The following BCKDHB variants were observed in gnomAD, a reference collection of about 807,000 sequenced individuals.
BCKDHB encodes the protein branched chain keto acid dehydrogenase E1 subunit beta.
Under a neutral mutation model 48.5 loss-of-function variants are expected in BCKDHB, and 41 were observed. The ratio of observed to expected loss-of-function variants is 0.85; its 90% CI spans 0.66 to 1.10. The LOEUF is 1.10. BCKDHB is among the 50% of genes least tolerant of loss of function. The pLI, the probability that BCKDHB is intolerant of heterozygous loss-of-function variation, is 0.00. For synonymous variants in BCKDHB, 201 were observed against 174.8 expected, an observed-to-expected ratio of 1.15 and a Z score of -1.18; for missense variants, 496 against 494.2, an observed-to-expected ratio of 1.00 and a Z score of -0.03.
intron 3 of BCKDHB, among the ~76,000 whole-genome samples, chr6:80,152,026 TG>T (rs1203810711): frequency 1.3e-5 from 2 of 152,192 alleles, no homozygotes; most frequent in African/African-American, 4.8e-5. Context: ...AAAATTTCAA[TG>T]GCTTGCCCTT....
chr6:80,145,416 A>G (rs966441063), intron 3 of BCKDHB, among the ~76,000 whole-genome samples: 7 of 152,174 alleles, frequency 4.6e-5, no homozygotes, highest in Non-Finnish European at 1.0e-4. Flanking sequence ...ACTTTCCCCC[A>G]AACCACCTCA....
chr6:80,114,540 C>T lies in BCKDHB; in HGVS notation c.196+7651C>T, dbSNP rs148627441. Reference sequence around the variant, plus strand: ...CTGGGATAAAAGGCATGAGCCACCACGCCTGGCTAGTGATGCTAGATTTAA... The same window carrying T: ...CTGGGATAAAAGGCATGAGCCACCATGCCTGGCTAGTGATGCTAGATTTAA... On this transcript the variant is annotated intron_variant, in intron 1 of 9. Transcript: ENST00000320393. Among the ~76,000 whole-genome samples, 702 of 152,022 alleles carry T rather than the reference C, an allele frequency of 4.6e-3. 2 individuals carry two copies. Among genetic ancestry groups the T allele is most frequent in the African/African-American group, 0.016 (651 of 41,458 alleles).
chr6:80,148,197 A>G (rs561640268), intron 3 of BCKDHB, among the ~76,000 whole-genome samples: 1 of 152,310 alleles, frequency 6.6e-6, no homozygotes, highest in East Asian at 1.9e-4. Flanking sequence ...GATACTGACC[A>G]AACTAATGCT....
At chr6:80,371,724 A>G in the BCKDHB span, among the ~76,000 whole-genome samples, 1 of 152,116 alleles carries the variant, frequency 6.6e-6, no homozygotes, top group Non-Finnish European at 1.5e-5. Context: ...TCCCAGCACC[A>G]ATTGTTAAAC....
intron 9 of BCKDHB, 150 bp from the exon 10 acceptor site, chr6:80,343,514 C>T (rs1434577574): frequency 2.3e-6 from 2 of 854,412 alleles, no homozygotes; most frequent in Non-Finnish European, 3.6e-6. Context: ...ATGCTGTTAC[C>T]TGCTTTTTTC....
chr6:80,442,608 G>A, the BCKDHB span, among the ~76,000 whole-genome samples: 1 of 152,128 alleles, frequency 6.6e-6, no homozygotes, highest in Non-Finnish European at 1.5e-5. Context: ...AATGATTACA[G>A]AGGGGCATTT....
the BCKDHB span, among the ~76,000 whole-genome samples, chr6:80,439,914 C>A: frequency 6.6e-6 from 1 of 150,866 alleles, no homozygotes; most frequent in Non-Finnish European, 1.5e-5. Context: ...TTATTGTTTT[C>A]TGGAAGATGA....
chr6:80,372,538 G>A, the BCKDHB span, among the ~76,000 whole-genome samples: 4 of 152,020 alleles, frequency 2.6e-5, no homozygotes, highest in African/African-American at 7.2e-5. Context: ...GTTCTCAGGG[G>A]GAATGCTTTC....
Position 80,321,620 on chromosome 6 carries a change from C to T in BCKDHB, c.1039-22044C>T, listed in dbSNP as rs919849973. Reference sequence around the variant, plus strand: ...CCATAACTTATTTTTCGTGAATCCACTGAAACTTCCAGAGACTTGAACTTT... The same window carrying T: ...CCATAACTTATTTTTCGTGAATCCATTGAAACTTCCAGAGACTTGAACTTT... On this transcript the variant is annotated intron_variant, in intron 9 of 9. Transcript: ENST00000320393. Among the ~76,000 whole-genome samples, 11 of 152,226 alleles carry T rather than the reference C, an allele frequency of 7.2e-5. No homozygotes were observed. In the East Asian group the frequency reaches 1.7e-3, roughly 24 times the overall value.
At chr6:80,241,016 A>G (rs1265135769) in intron 8 of BCKDHB, among the ~76,000 whole-genome samples, 3 of 151,996 alleles carry the variant, frequency 2.0e-5, no homozygotes, top group Non-Finnish European at 4.4e-5. Flanking sequence ...TCAATCACTG[A>G]TACCCTTCTT....
At chr6:80,141,345 C>A (rs539486323) in intron 3 of BCKDHB, among the ~76,000 whole-genome samples, 1 of 152,006 alleles carries the variant, frequency 6.6e-6, no homozygotes, top group African/African-American at 2.4e-5. Flanking sequence ...AAATAAGAGG[C>A]TAGCGATCAG....
chr6:80,256,977 T>G (rs1777077272), intron 8 of BCKDHB, among the ~76,000 whole-genome samples: 1 of 152,226 alleles, frequency 6.6e-6, no homozygotes, highest in Non-Finnish European at 1.5e-5. Flanking sequence ...AGTTTCCTGA[T>G]GCAGTTTTAT....
At chr6:80,108,103 TTAGG>T in intron 1 of BCKDHB, among the ~76,000 whole-genome samples, 1 of 152,130 alleles carries the variant, frequency 6.6e-6, no homozygotes, top group East Asian at 1.9e-4. Flanking sequence ...CATTTTGCAG[TTAGG>T]TTAATGGAGT....
the BCKDHB span, among the ~76,000 whole-genome samples, chr6:80,358,773 C>G: frequency 6.6e-6 from 1 of 152,194 alleles, no homozygotes; most frequent in South Asian, 2.1e-4. Context: ...TACTTTGTAG[C>G]GATGGGGACT....
intron 9 of BCKDHB, among the ~76,000 whole-genome samples, chr6:80,334,025 A>T (rs990922919): frequency 1.3e-5 from 2 of 152,094 alleles, no homozygotes; most frequent in African/African-American, 4.8e-5. Flanking sequence ...CAATTATGGG[A>T]GTAAAAAAGG....
rs573912962 is a variant in BCKDHB at position 80,273,465 on chromosome 6, A to T, written c.1038+244A>T. On this transcript the variant is annotated intron_variant, in intron 9 of 9. Coordinates refer to ENST00000320393, the MANE Select transcript of BCKDHB (RefSeq NM_183050.4). ...ATCTTAAAATATTGAAAGCTGAAAA[A>T]TTTTTTATGGGAAGAAAGTTTGGAA... Among the ~76,000 whole-genome samples, 8 of 152,216 alleles carry T rather than the reference A, an allele frequency of 5.3e-5. No homozygotes were observed. In the South Asian group the frequency reaches 1.7e-3, roughly 32 times the overall value.
intron 8 of BCKDHB, among the ~76,000 whole-genome samples, chr6:80,222,988 A>T (rs1356206242): frequency 6.6e-6 from 1 of 152,230 alleles, no homozygotes; most frequent in African/African-American, 2.4e-5. Flanking sequence ...AGTTATGTTG[A>T]TGAAGGTAGG....
intron 6 of BCKDHB, among the ~76,000 whole-genome samples, chr6:80,197,638 G>A (rs1774190271): frequency 6.6e-6 from 1 of 152,140 alleles, no homozygotes; most frequent in Admixed American, 6.6e-5. Context: ...GATTTACAAG[G>A]CTGGAAAGAC....
chr6:80,307,490 A>G, intron 9 of BCKDHB: 2 of 985,014 alleles, frequency 2.0e-6, no homozygotes, highest in Non-Finnish European at 1.2e-6. Flanking sequence ...TTTCAGATAT[A>G]CCCCCATGAA....
Sources: allele counts gnomAD v4.1 joint callset (sites outside exome capture counted in the v4.1 genomes callset), GRCh38; gene constraint gnomAD v4.1.1; transcripts MANE v1.5; gene names NCBI Gene and HGNC (gene_info 2026-07-23, HGNC 2026-07-21).